Variants in BPNT1 observed in about 807,000 individuals in gnomAD.
BPNT1 encodes 3'(2'), 5'-bisphosphate nucleotidase 1.
Under a neutral mutation model 36.9 loss-of-function variants are expected in BPNT1, and 28 were observed. That is an observed-to-expected ratio of 0.76 (90% CI 0.56 to 1.04). The LOEUF (loss-of-function observed/expected upper bound fraction) is 1.04, where lower values mean the gene tolerates loss of function less well. Among genes scored for constraint, BPNT1 ranks in the 50% least tolerant of loss-of-function variants. The pLI, the probability that BPNT1 is intolerant of heterozygous loss-of-function variation, is 0.00. For synonymous variants in BPNT1, 119 were observed against 130.9 expected (o/e 0.91, Z 0.62); for missense variants, 313 against 372.9 (o/e 0.84, Z 1.32).
chr1:220,084,262 G>A (rs1280357149), intron 1 of BPNT1, among the ~76,000 whole-genome samples: 2 of 151,822 alleles, frequency 1.3e-5, no homozygotes, highest in Admixed American at 1.3e-4. Flanking sequence ...AACCCGGGAG[G>A]TGGAGGTTGC....
intron 2 of BPNT1, among the ~76,000 whole-genome samples, chr1:220,074,905 C>A (rs997577230): frequency 6.6e-6 from 1 of 152,166 alleles, no homozygotes; most frequent in African/African-American, 2.4e-5. Context: ...GATACTCATG[C>A]TAGTGAAAGA....
intron 1 of BPNT1, among the ~76,000 whole-genome samples, chr1:220,088,151 G>A (rs942957958): frequency 2.0e-5 from 3 of 151,774 alleles, no homozygotes; most frequent in African/African-American, 2.4e-5. Context: ...GATTACAGGC[G>A]TGAGCCACCG....
intron 5 of BPNT1, among the ~76,000 whole-genome samples, chr1:220,067,733 A>G (rs1248747810): frequency 6.6e-6 from 1 of 152,208 alleles, no homozygotes; most frequent in Non-Finnish European, 1.5e-5. Flanking sequence ...ATCACTTTAT[A>G]TTCCTGGATT....
Position 220,058,991 on chromosome 1 carries a change from G to C in BPNT1, c.780C>G (p.Gly260=), listed in dbSNP as rs759283578. Residue 260 remains glycine, a splice_region_variant and synonymous_variant, in exon 9 of 9, where the codon GGC becomes GGG. Transcript: ENST00000322067. The part of the protein sequence containing the change: ...APEVILHAVG[G]KLTDIHGNVL... ...CATTCCCATGGATATCGGTTAACTT[G>C]CCTATAGAAAAACATCAATCAATCA... The C allele has an allele frequency of 1.2e-6, 2 of 1,612,990 alleles. No homozygotes were observed. Among genetic ancestry groups the C allele is most frequent in the African/African-American group, 2.7e-5 (2 of 74,978 alleles).
In BPNT1 at chr1:220,059,720, A is replaced by G. The variant is rs1425051183; in HGVS notation, c.744T>C (p.Thr248=). Residue 248 remains threonine, a synonymous_variant, in exon 8 of 9, where the codon ACT becomes ACC. Transcript: ENST00000322067. ...CATGTAAAATAACTTCTGGAGCACAAGTATCCCACTTCTTACAACCAGGAC... is the reference window on the plus strand; with the variant it reads ...CATGTAAAATAACTTCTGGAGCACAGGTATCCCACTTCTTACAACCAGGAC... ...FASPGCKKWD[T]CAPEVILHAV... The G allele has an allele frequency of 6.2e-7, 1 of 1,611,440 alleles. No homozygotes were observed. Among genetic ancestry groups the G allele is most frequent in the Admixed American group, 1.7e-5 (1 of 59,352 alleles).
In BPNT1 at chr1:220,057,945, AG is replaced by A. The variant is rs1272532964; in HGVS notation, c.*898del. The A allele has an allele frequency of 1.0e-6, 1 of 967,026 alleles. No homozygotes were observed. Among genetic ancestry groups the A allele is most frequent in the Non-Finnish European group, 1.4e-6 (1 of 699,490 alleles). The allele number at this position is 967,026 out of a possible 1,614,324, so 59.9% of individuals were successfully genotyped here. ...GTAATCCCAGCACTTTGGGAGTCCGAGGCAGACAGATCACGATGTCAGGAGA... is the reference window on the plus strand; with the variant it reads ...GTAATCCCAGCACTTTGGGAGTCCGAGCAGACAGATCACGATGTCAGGAGA... On this transcript the variant is annotated 3_prime_UTR_variant, in exon 9 of 9. Transcript: ENST00000322067.
At position 220,058,404 on chromosome 1, in the gene BPNT1, A is replaced by C; in HGVS notation, c.*440T>G. 1.0e-6 allele frequency: 1 copy of C among 963,700 alleles called. No homozygotes were observed. The highest frequency in any genetic ancestry group is 1.2e-6 in the Non-Finnish European group (1 of 809,046). 59.7% of individuals were successfully genotyped at this position (963,700 alleles called of 1,614,324 possible). A position where few individuals can be genotyped will look rare whatever the true frequency, so the allele number is the denominator to read the frequency against. ...ATTCCTAAATATAATAACTAAATAT[A>C]AATCACTGCTCAACAATGAATAAAG... On this transcript the variant is annotated 3_prime_UTR_variant, in exon 9 of 9. Transcript: ENST00000322067.
chr1:220,082,573 C>A (rs1571806388), intron 1 of BPNT1, among the ~76,000 whole-genome samples: 1 of 151,222 alleles, frequency 6.6e-6, no homozygotes, highest in East Asian at 2.0e-4. Flanking sequence ...GATGTTTTAA[C>A]CCCTTTAACA....
chr1:220,062,646 T>A (rs1359961546), intron 7 of BPNT1, 111 bp downstream of exon 7: 1 of 1,116,850 alleles, frequency 9.0e-7, no homozygotes, highest in East Asian at 2.4e-5. Context: ...TATAGTCCTT[T>A]GGGTATATAC....
intron 2 of BPNT1, among the ~76,000 whole-genome samples, chr1:220,077,151 C>G (rs1414624438): frequency 1.3e-5 from 2 of 152,104 alleles, no homozygotes; most frequent in Non-Finnish European, 2.9e-5. Flanking sequence ...GAAAATGACT[C>G]ATGAATTTAA....
chr1:220,059,892 C>A, intron 7 of BPNT1, 101 bp from the exon 8 acceptor site: 1 of 813,426 alleles, frequency 1.2e-6, no homozygotes, highest in Non-Finnish European at 1.9e-6. Context: ...TTGTTTCTAT[C>A]AAGGACATTT....
At chr1:220,066,107 T>C (rs1187167768) in intron 6 of BPNT1, 9 of 1,519,450 alleles carry the variant, frequency 5.9e-6, no homozygotes, top group Non-Finnish European at 7.0e-6. Flanking sequence ...TAACTGCTGT[T>C]TTTCATTGTT....
chr1:220,069,523 C>G, intron 4 of BPNT1, 91 bp from the exon 5 acceptor site: 1 of 984,874 alleles, frequency 1.0e-6, no homozygotes, highest in Non-Finnish European at 1.5e-6. Context: ...CTCTTTTTTT[C>G]CTGTTTGAAA....
intron 1 of BPNT1, among the ~76,000 whole-genome samples, chr1:220,088,956 C>T (rs1571830471): frequency 6.7e-6 from 1 of 148,750 alleles, no homozygotes. Context: ...AAAAAATTAG[C>T]CAGGCTTGGT....
In BPNT1 at chr1:220,075,824, G is replaced by A. The variant is rs535669670; in HGVS notation, c.121-1753C>T. On this transcript the variant is annotated intron_variant, in intron 2 of 8. Coordinates refer to ENST00000322067, the MANE Select transcript of BPNT1 (RefSeq NM_006085.6). ...CTAGAAATGCCTGAGCACTACAGAA[G>A]ACAATGAGAATGTTACCTTTTTTCC... Among the ~76,000 whole-genome samples the A allele has an allele frequency of 2.6e-4, 39 of 152,260 alleles. No homozygotes were observed. In the East Asian group the frequency reaches 5.0e-3, roughly 20 times the overall value.
chr1:220,071,837 G>A lies in BPNT1; in HGVS notation c.333+1013C>T, dbSNP rs960114164. Reference sequence around the variant, plus strand: ...TGAGTAACTGGGATTACAGGCATGTGCCACCACGCCCAGCTAATTTTGTAT... The same window carrying A: ...TGAGTAACTGGGATTACAGGCATGTACCACCACGCCCAGCTAATTTTGTAT... On this transcript the variant is annotated intron_variant, in intron 4 of 8. Coordinates refer to ENST00000322067, the MANE Select transcript of BPNT1 (RefSeq NM_006085.6). Among the ~76,000 whole-genome samples the A allele has an allele frequency of 5.3e-5, 8 of 151,992 alleles. No homozygotes were observed. In the East Asian group the frequency reaches 1.2e-3, roughly 22 times the overall value.
chr1:220,063,152 T>A (rs1356052880), intron 6 of BPNT1, among the ~76,000 whole-genome samples, 198 bp from the exon 7 acceptor site: 1 of 152,066 alleles, frequency 6.6e-6, no homozygotes, highest in Non-Finnish European at 1.5e-5. Flanking sequence ...ATCTAAACCA[T>A]CCTGGCTAAC....
chr1:220,072,987 G>A, intron 3 of BPNT1, 30 bp from the exon 4 acceptor site: 2 of 1,552,910 alleles, frequency 1.3e-6, no homozygotes, highest in South Asian at 2.2e-5. Flanking sequence ...AATGGTTACT[G>A]AAGCTGTTTA....
In BPNT1 at chr1:220,059,000, A is replaced by G. The variant is rs568284546; in HGVS notation, c.779-8T>C. On this transcript the variant is annotated splice_region_variant and splice_polypyrimidine_tract_variant and intron_variant, in intron 8 of 8. Coordinates refer to ENST00000322067, the MANE Select transcript of BPNT1 (RefSeq NM_006085.6). The stretch of plus-strand genomic sequence containing the variant: ...GGATATCGGTTAACTTGCCTATAGA[A>G]AAACATCAATCAATCAATCAAGTTA... 5.6e-6 allele frequency: 9 copies of G among 1,612,940 alleles called. No individual in the cohort carries two copies. Among genetic ancestry groups the G allele is most frequent in the South Asian group, 4.4e-5 (4 of 90,934 alleles).
Sources: allele counts gnomAD v4.1 joint callset (sites outside exome capture counted in the v4.1 genomes callset), GRCh38; gene constraint gnomAD v4.1.1; transcripts MANE v1.5; gene names NCBI Gene and HGNC (gene_info 2026-07-23, HGNC 2026-07-21).